The following HPSE2 variants were observed in gnomAD, a reference collection of about 807,000 sequenced individuals.
HPSE2 encodes the protein inactive heparanase-2.
HPSE2 carries 38 observed loss-of-function variants against 60.5 expected under a neutral mutation model. That is an observed-to-expected ratio of 0.63 (90% CI 0.48 to 0.82). The LOEUF is 0.82. Among genes scored for constraint, HPSE2 ranks in the 40% least tolerant of loss-of-function variants. The pLI is 0.00. For missense variants in HPSE2, 713 were observed against 740.4 expected, an observed-to-expected ratio of 0.96 and a Z score of 0.43; for synonymous variants, 295 against 293.2, an observed-to-expected ratio of 1.01 and a Z score of -0.06.
At chr10:98,971,062 G>C (rs557233035) in intron 3 of HPSE2, among the ~76,000 whole-genome samples, 1 of 148,648 alleles carries the variant, frequency 6.7e-6, no homozygotes, top group Admixed American at 6.7e-5. Flanking sequence ...ATTCAAAGCA[G>C]TTTAAAATTT....
chr10:98,507,651 CA>C (rs1297407033), intron 9 of HPSE2, among the ~76,000 whole-genome samples: 2 of 151,966 alleles, frequency 1.3e-5, no homozygotes, highest in African/African-American at 4.8e-5. Flanking sequence ...CTATTTTTTT[CA>C]AACTCCGTCC....
chr10:98,745,138 C>T (rs11598708), intron 3 of HPSE2, among the ~76,000 whole-genome samples: 22,188 of 152,134 alleles, frequency 0.15, 1,967 homozygotes, highest in Admixed American at 0.23. Flanking sequence ...GGAGACAGAG[C>T]TTGCGGTAAG....
intron 3 of HPSE2, among the ~76,000 whole-genome samples, chr10:98,987,192 A>T (rs1247400056): frequency 6.6e-6 from 1 of 152,184 alleles, no homozygotes; most frequent in Non-Finnish European, 1.5e-5. Context: ...GACAACAAAA[A>T]AAAAAGAGAA....
intron 3 of HPSE2, among the ~76,000 whole-genome samples, chr10:98,807,771 T>G (rs1951075158): frequency 6.6e-6 from 1 of 152,222 alleles, no homozygotes; most frequent in Non-Finnish European, 1.5e-5. Context: ...TATATCTTCT[T>G]GGTGATAGTA....
chr10:98,549,682 A>G (rs960663332), intron 9 of HPSE2, among the ~76,000 whole-genome samples: 1 of 152,184 alleles, frequency 6.6e-6, no homozygotes, highest in Non-Finnish European at 1.5e-5. Context: ...TCTACCAAAT[A>G]TGAGGGCTTT....
At chr10:99,243,157 T>G in the HPSE2 span, among the ~76,000 whole-genome samples, 2 of 151,988 alleles carry the variant, frequency 1.3e-5, no homozygotes, top group African/African-American at 4.8e-5. Context: ...ATTGAGACCA[T>G]CCTGGCTAAC....
intron 9 of HPSE2, among the ~76,000 whole-genome samples, chr10:98,510,119 GT>G (rs1193751427): frequency 3.9e-5 from 6 of 152,240 alleles, no homozygotes; most frequent in Non-Finnish European, 7.4e-5. Context: ...TAGTTCTGAA[GT>G]TTTTTTAATC....
intron 3 of HPSE2, among the ~76,000 whole-genome samples, chr10:98,909,470 G>A (rs1404631187): frequency 6.6e-6 from 1 of 150,942 alleles, no homozygotes; most frequent in Non-Finnish European, 1.5e-5. Context: ...CTCTACTAAA[G>A]ATAGAAAAAA....
At chr10:98,534,785 G>A (rs1943232272) in intron 9 of HPSE2, among the ~76,000 whole-genome samples, 1 of 152,206 alleles carries the variant, frequency 6.6e-6, no homozygotes, top group South Asian at 2.1e-4. Context: ...ATTAGTGATG[G>A]ATAAGGTACC....
At chr10:98,588,903 C>T (rs1190736307) in intron 9 of HPSE2, among the ~76,000 whole-genome samples, 1 of 152,070 alleles carries the variant, frequency 6.6e-6, no homozygotes, top group Non-Finnish European at 1.5e-5. Context: ...CAAAACTCGA[C>T]AAAACATGAA....
At position 98,538,536 on chromosome 10, in the gene HPSE2, A is replaced by G. The variant is rs138993588; in HGVS notation, c.1321-48340T>C. 3.8e-3 allele frequency among the ~76,000 whole-genome samples: 579 copies of G among 152,240 alleles called. 6 individuals are homozygous for G. Among genetic ancestry groups the G allele is most frequent in the African/African-American group, 0.013 (540 of 41,584 alleles). ...ATGTCCCCAGAATATCTCATTAAGA[A>G]GGCCTAGGTCAGTTGTTCTCAACCT... On this transcript the variant is annotated intron_variant, in intron 9 of 11. Coordinates refer to ENST00000370552, the MANE Select transcript of HPSE2 (RefSeq NM_021828.5).
At chr10:99,186,011 G>T (rs796330999) in intron 2 of HPSE2, among the ~76,000 whole-genome samples, 2 of 151,420 alleles carry the variant, frequency 1.3e-5, no homozygotes, top group South Asian at 4.2e-4. Flanking sequence ...CAGGGCCAAA[G>T]AAATAATGGC....
intron 11 of HPSE2, among the ~76,000 whole-genome samples, chr10:98,475,822 G>T (rs1940989174): frequency 6.6e-6 from 1 of 152,194 alleles, no homozygotes; most frequent in Non-Finnish European, 1.5e-5. Flanking sequence ...AGTCTTAGAA[G>T]TAGCTCAGAG....
At chr10:98,608,231 C>T (rs1945649639) in intron 9 of HPSE2, among the ~76,000 whole-genome samples, 2 of 152,214 alleles carry the variant, frequency 1.3e-5, no homozygotes, top group Non-Finnish European at 2.9e-5. Flanking sequence ...AACACCAGCA[C>T]AGTTAGCCCC....
intron 3 of HPSE2, among the ~76,000 whole-genome samples, chr10:99,017,702 A>G (rs1461930441): frequency 6.6e-6 from 1 of 152,178 alleles, no homozygotes; most frequent in Admixed American, 6.5e-5. Flanking sequence ...TCAATTTCAA[A>G]GCCTGTTACT....
chr10:99,142,015 G>T (rs1273476233), intron 3 of HPSE2, among the ~76,000 whole-genome samples: 1 of 152,188 alleles, frequency 6.6e-6, no homozygotes, highest in East Asian at 1.9e-4. Context: ...TGTAAAAAGT[G>T]ATCTCTTTCT....
chr10:99,033,171 A>G (rs954136540), intron 3 of HPSE2, among the ~76,000 whole-genome samples: 1 of 152,224 alleles, frequency 6.6e-6, no homozygotes, highest in African/African-American at 2.4e-5. Context: ...AGATACATAT[A>G]TATTTCTTAT....
chr10:98,516,282 A>T (rs10786434), intron 9 of HPSE2, among the ~76,000 whole-genome samples: 1 of 152,100 alleles, frequency 6.6e-6, no homozygotes, highest in Admixed American at 6.5e-5. Context: ...AGCAATTTAC[A>T]CAAGTGACAC....
chr10:99,079,730 A>G (rs1843068258), intron 3 of HPSE2, among the ~76,000 whole-genome samples: 1 of 151,966 alleles, frequency 6.6e-6, no homozygotes, highest in African/African-American at 2.4e-5. Flanking sequence ...TCTCACCAGG[A>G]AAAGTTTGGG....
Sources: gnomAD v4.1 joint callset for allele counts (sites outside exome capture counted in the v4.1 genomes callset) on GRCh38, gnomAD v4.1.1 for gene constraint, MANE v1.5 for transcripts, NCBI Gene and HGNC (gene_info 2026-07-23, HGNC 2026-07-21) for gene names.